SYT14: variants seen among roughly 807,000 people sequenced by gnomAD.
SYT14 encodes the protein synaptotagmin-14.
Under a neutral mutation model 74.2 loss-of-function variants are expected in SYT14, and 32 were observed. That is an observed-to-expected ratio of 0.43 (90% confidence interval 0.33 to 0.58). The LOEUF (loss-of-function observed/expected upper bound fraction) is 0.58. Among genes scored for constraint, SYT14 ranks in the 20% least tolerant of loss-of-function variants. The pLI is 0.05. For missense variants in SYT14, 791 were observed against 981.8 expected (o/e 0.81, Z 2.60); for synonymous variants, 298 against 337.7 (o/e 0.88, Z 1.29).
intron 5 of SYT14, among the ~76,000 whole-genome samples, chr1:210,030,236 A>C (rs1482027917): frequency 6.6e-6 from 1 of 151,558 alleles, no homozygotes; most frequent in Non-Finnish European, 1.5e-5. Flanking sequence ...CTGCCTCCTG[A>C]GTTCAAGTGA....
chr1:210,035,323 A>G (rs75077219), intron 5 of SYT14, among the ~76,000 whole-genome samples: 158 of 151,808 alleles, frequency 1.0e-3, no homozygotes, highest in African/African-American at 3.5e-3. Context: ...TAACTTGTCT[A>G]TCAGATGCAT....
chr1:210,092,824 C>T (rs927311440), intron 5 of SYT14, among the ~76,000 whole-genome samples: 1 of 152,136 alleles, frequency 6.6e-6, no homozygotes, highest in Non-Finnish European at 1.5e-5. Context: ...TTCATCTGTA[C>T]CAAACATACA....
At chr1:210,162,946 CAAGT>C (rs1558234085) in exon 10 of SYT14, 4 of 451,632 alleles carry the variant, frequency 8.9e-6, no homozygotes, top group South Asian at 3.1e-5. Flanking sequence ...TTCAAATAAA[CAAGT>C]AAGAGTTAGA....
At chr1:209,985,394 C>T (rs757116805) in intron 2 of SYT14, among the ~76,000 whole-genome samples, 1 of 152,232 alleles carries the variant, frequency 6.6e-6, no homozygotes, top group Non-Finnish European at 1.5e-5. Flanking sequence ...ACTCCACGTC[C>T]TATATTCAGG....
chr1:210,024,229 G>T (rs1335675565), intron 5 of SYT14, among the ~76,000 whole-genome samples: 1 of 152,148 alleles, frequency 6.6e-6, no homozygotes, highest in Non-Finnish European at 1.5e-5. Flanking sequence ...CCATAATCAG[G>T]GTTGTGCTTT....
At chr1:209,978,390 A>G (rs1302151869) in intron 2 of SYT14, among the ~76,000 whole-genome samples, 1 of 152,066 alleles carries the variant, frequency 6.6e-6, no homozygotes, top group Non-Finnish European at 1.5e-5. Flanking sequence ...TTTGGTGTGG[A>G]TGTCCTTTCT....
At chr1:210,102,240 T>G (rs894805915) in intron 7 of SYT14, among the ~76,000 whole-genome samples, 1 of 152,310 alleles carries the variant, frequency 6.6e-6, no homozygotes, top group East Asian at 1.9e-4. Flanking sequence ...TTCCTGATCC[T>G]CTATCTTCTC....
At chr1:210,075,083 C>T (rs1260307240) in intron 5 of SYT14, among the ~76,000 whole-genome samples, 1 of 152,150 alleles carries the variant, frequency 6.6e-6, no homozygotes, top group Non-Finnish European at 1.5e-5. Context: ...ATGGTTTTCC[C>T]CTGGAGTCCG....
chr1:209,977,180 T>A (rs982992606), intron 2 of SYT14, among the ~76,000 whole-genome samples: 6 of 152,232 alleles, frequency 3.9e-5, no homozygotes, highest in Admixed American at 6.5e-5. Context: ...TCTGTGTCTT[T>A]TAATTGGAGC....
chr1:210,043,611 G>T (rs1572204664), intron 5 of SYT14, among the ~76,000 whole-genome samples: 1 of 152,262 alleles, frequency 6.6e-6, no homozygotes. Context: ...CTTGGATGCA[G>T]TATGGGGGCT....
At chr1:210,062,271 T>A (rs1292910451) in intron 5 of SYT14, among the ~76,000 whole-genome samples, 1 of 151,906 alleles carries the variant, frequency 6.6e-6, no homozygotes, top group East Asian at 1.9e-4. Context: ...AGTGCATATT[T>A]GGAAATTTGA....
At chr1:210,100,909 C>T (rs957131978) in intron 7 of SYT14, among the ~76,000 whole-genome samples, 5 of 152,046 alleles carry the variant, frequency 3.3e-5, no homozygotes, top group Admixed American at 1.3e-4. Context: ...CCCTAGGTCC[C>T]GACTGGATAT....
At chr1:210,073,882 T>A (rs1459711582) in intron 5 of SYT14, among the ~76,000 whole-genome samples, 1 of 151,968 alleles carries the variant, frequency 6.6e-6, no homozygotes, top group East Asian at 1.9e-4. Flanking sequence ...AATTATGGTA[T>A]GTTATTTGCA....
intron 1 of SYT14, among the ~76,000 whole-genome samples, chr1:209,938,772 G>A (rs1322175425): frequency 6.6e-6 from 1 of 151,908 alleles, no homozygotes; most frequent in African/African-American, 2.4e-5. Flanking sequence ...ACCCTTCCCT[G>A]TGCCCGCTCG....
intron 5 of SYT14, among the ~76,000 whole-genome samples, chr1:210,059,451 T>TAGAGAGAGAGAGAG (rs1553272603): frequency 1.6e-3 from 113 of 69,894 alleles, no homozygotes; most frequent in African/African-American, 3.4e-3. Flanking sequence ...TATATATATA[T>TAGAGAGAGAGAGAG]AGAGAGAGAG....
Position 210,047,966 on chromosome 1 carries a change from TTTGC to T in SYT14, c.1312+26716_1312+26719del, listed in dbSNP as rs377463092. ...CTCAGATATTATTGGTGCTACTAACTTTGCTTGTTTAAGTGGTGTGGTGTCCACT... is the reference window on the plus strand; with the variant it reads ...CTCAGATATTATTGGTGCTACTAACTTTGTTTAAGTGGTGTGGTGTCCACT... On this transcript the variant is annotated intron_variant, in intron 5 of 9. Transcript: ENST00000637265. Among the ~76,000 whole-genome samples the T allele has an allele frequency of 9.8e-5, 15 of 152,292 alleles. No homozygotes were observed. In the East Asian group the frequency reaches 2.9e-3, roughly 29 times the overall value.
chr1:210,039,705 G>T (rs769631006), intron 5 of SYT14, among the ~76,000 whole-genome samples: 1 of 151,986 alleles, frequency 6.6e-6, no homozygotes, highest in Non-Finnish European at 1.5e-5. Context: ...CAACTTCATC[G>T]AAAACTGGGT....
At chr1:209,966,387 G>A (rs2079158957) in intron 2 of SYT14, among the ~76,000 whole-genome samples, 1 of 152,064 alleles carries the variant, frequency 6.6e-6, no homozygotes, top group African/African-American at 2.4e-5. Flanking sequence ...TGGAATTTTG[G>A]ATGGGACTGT....
chr1:210,046,303 TGTGGA>T (rs1377815658), intron 5 of SYT14, among the ~76,000 whole-genome samples: 1 of 152,098 alleles, frequency 6.6e-6, no homozygotes, highest in Non-Finnish European at 1.5e-5. Context: ...GAACCCAGGA[TGTGGA>T]GGTTGCATTG....
Sources: gnomAD v4.1 joint callset for allele counts (sites outside exome capture counted in the v4.1 genomes callset) on GRCh38, gnomAD v4.1.1 for gene constraint, MANE v1.5 for transcripts, NCBI Gene and HGNC (gene_info 2026-07-23, HGNC 2026-07-21) for gene names.